LAMB4: variants seen among roughly 807,000 people sequenced by gnomAD.
LAMB4 encodes the protein laminin subunit beta-4.
A neutral mutation model predicts 199.2 loss-of-function variants in LAMB4; 196 were observed. The observed-to-expected ratio is 0.98, with a 90% confidence interval of 0.88 to 1.11. LAMB4 has a LOEUF of 1.11. Ranked by LOEUF, LAMB4 falls within the 50% of genes least tolerant of loss-of-function variation. LAMB4 has a pLI of 0.00. For synonymous variants in LAMB4, 744 were observed against 770.6 expected (o/e 0.97, Z 0.57); for missense variants, 2,080 against 2,171.2 (o/e 0.96, Z 0.83).
chr7:108,026,570 G>A (rs1253539021), intron 33 of LAMB4: 4 of 168,008 alleles, frequency 2.4e-5, no homozygotes, highest in African/African-American at 9.6e-5. Context: ...GTTATTTTAA[G>A]CCATTACATT....
chr7:108,037,260 A>C (rs2035262271), intron 30 of LAMB4, 128 bp downstream of exon 30: 1 of 722,046 alleles, frequency 1.4e-6, no homozygotes, highest in Admixed American at 2.4e-5. Context: ...TCAGCCCTCA[A>C]CTTGGGCACT....
At chr7:108,057,215 G>C (rs1488393630) in intron 24 of LAMB4, among the ~76,000 whole-genome samples, 1 of 152,076 alleles carries the variant, frequency 6.6e-6, no homozygotes, top group African/African-American at 2.4e-5. Context: ...TTCTTCTACT[G>C]CTTCTCTATA....
intron 31 of LAMB4, among the ~76,000 whole-genome samples, chr7:108,033,685 A>G (rs1187226378): frequency 2.6e-5 from 4 of 151,104 alleles, no homozygotes; most frequent in Non-Finnish European, 5.9e-5. Flanking sequence ...CTGGGATTAC[A>G]GGTGTGAGCA....
At chr7:108,076,053 A>G (rs996514632) in intron 17 of LAMB4, 15 of 153,010 alleles carry the variant, frequency 9.8e-5, no homozygotes, top group African/African-American at 3.4e-4. Context: ...GTAGGAAAAT[A>G]TTTTAAAATA....
At chr7:108,047,042 T>C (rs1362939482) in intron 28 of LAMB4, among the ~76,000 whole-genome samples, 1 of 152,104 alleles carries the variant, frequency 6.6e-6, no homozygotes, top group Non-Finnish European at 1.5e-5. Context: ...GCTAGGATTA[T>C]AGGCGTGACC....
At chr7:108,054,724 G>T (rs145761746) in intron 25 of LAMB4, among the ~76,000 whole-genome samples, 1 of 152,126 alleles carries the variant, frequency 6.6e-6, no homozygotes, top group Non-Finnish European at 1.5e-5. Flanking sequence ...CAGAGGAGGG[G>T]TAAATAAATG....
In LAMB4 at chr7:108,049,312, T is replaced by C. The variant is rs2035753365; in HGVS notation, c.4122+14A>G. 7.2e-7 allele frequency: 1 copy of C among 1,387,020 alleles called. No homozygotes were observed. The highest frequency in any genetic ancestry group is 1.2e-5 in the South Asian group (1 of 84,310). 85.9% of individuals were successfully genotyped at this position (1,387,020 alleles called of 1,614,324 possible). A position where few individuals can be genotyped will look rare whatever the true frequency, so the allele number is the denominator to read the frequency against. ...AACCACAAATGCTTTGACCTTACCATCATGAATATTTACCTTTTCATTCAA... is the reference window on the plus strand; with the variant it reads ...AACCACAAATGCTTTGACCTTACCACCATGAATATTTACCTTTTCATTCAA... On this transcript the variant is annotated intron_variant, in intron 27 of 33. Transcript: ENST00000388781.
At chr7:108,116,250 G>T in intron 2 of LAMB4, 89 bp from the exon 3 acceptor site, 2 of 1,249,644 alleles carry the variant, frequency 1.6e-6, no homozygotes, top group Non-Finnish European at 2.2e-6. Context: ...GGAAAGTTAT[G>T]TATTTATTTA....
intron 3 of LAMB4, among the ~76,000 whole-genome samples, chr7:108,112,378 A>G (rs925344855): frequency 2.0e-5 from 3 of 151,844 alleles, no homozygotes; most frequent in East Asian, 1.9e-4. Context: ...CAGTGTTGCA[A>G]TCTCCTGGGT....
chr7:108,045,939 A>ATG lies in LAMB4; in HGVS notation c.4326+1967_4326+1968dup, dbSNP rs376513701. Among the ~76,000 whole-genome samples, 699 of 151,232 alleles carry ATG rather than the reference A, an allele frequency of 4.6e-3. 4 individuals carry two copies. The highest frequency in any genetic ancestry group is 6.3e-3 in the Non-Finnish European group (423 of 67,644). On this transcript the variant is annotated intron_variant, in intron 28 of 33. Coordinates refer to ENST00000388781, the MANE Select transcript of LAMB4 (RefSeq NM_007356.3). ...GGATATAGGGGGTGTGTGTGTGTGC[A>ATG]TGTGTGTGTGTGTGTATCTTGGCTG...
At chr7:108,059,652 C>A (rs1290775402) in intron 23 of LAMB4, among the ~76,000 whole-genome samples, 1 of 152,160 alleles carries the variant, frequency 6.6e-6, no homozygotes, top group Non-Finnish European at 1.5e-5. Context: ...GGGCACAGCA[C>A]CCCCCTACTC....
In LAMB4 at chr7:108,107,696, G is replaced by C; in HGVS notation, c.526C>G (p.Gln176Glu). The change falls in exon 6 of 34, where the codon CAG becomes GAG. Residue 176 changes from glutamine (Q) to glutamate (E), a missense_variant. Physicochemically the swap from Gln to Glu is conservative, Grantham distance 29. Coordinates refer to ENST00000388781, the MANE Select transcript of LAMB4 (RefSeq NM_007356.3). ...TCACAAACAATGTCTCCCACTCCCT[G>C]GGCCTGGCCAGATGTGATGTTAGGA... ...SFPNITSGQA[Q>E]GVGDIVCDSK... 1 of 1,613,664 alleles carries C rather than the reference G, an allele frequency of 6.2e-7. No homozygotes were observed. Among genetic ancestry groups the C allele is most frequent in the Non-Finnish European group, 8.5e-7 (1 of 1,179,842 alleles).
intron 20 of LAMB4, 39 bp downstream of exon 20, chr7:108,066,330 T>A: frequency 6.8e-7 from 1 of 1,467,666 alleles, no homozygotes. Flanking sequence ...GAACAAAGTG[T>A]TAAAGACCTA....
intron 1 of LAMB4, among the ~76,000 whole-genome samples, chr7:108,124,851 A>C (rs992109017): frequency 3.3e-5 from 5 of 151,900 alleles, no homozygotes; most frequent in Admixed American, 3.3e-4. Flanking sequence ...CAGCCTTAGC[A>C]CTCCAGTTTC....
chr7:108,042,465 T>C (rs1383455497), intron 29 of LAMB4, among the ~76,000 whole-genome samples: 3 of 151,720 alleles, frequency 2.0e-5, no homozygotes, highest in Non-Finnish European at 2.9e-5. Context: ...ATGCAATTAG[T>C]TTAGCAACTT....
At chr7:108,031,029 C>G (rs907630759) in intron 31 of LAMB4, 50 bp from the exon 32 acceptor site, 1 of 1,548,744 alleles carries the variant, frequency 6.5e-7, no homozygotes, top group East Asian at 2.3e-5. Flanking sequence ...ATGAAACAAA[C>G]AAGAAGATAA....
Position 108,037,422 on chromosome 7 carries a change from C to T in LAMB4, c.4645G>A (p.Ala1549Thr), listed in dbSNP as rs1000451824. The T allele has an allele frequency of 1.9e-6, 3 of 1,614,056 alleles. No individual in the cohort carries two copies. Among genetic ancestry groups the T allele is most frequent in the Non-Finnish European group, 2.5e-6 (3 of 1,180,028 alleles). The part of the protein sequence containing the change: ...ENRLNEEADG[A>T]QKLLVKAKAA... ...TTGGCCTTCACCAAAAGCTTTTGGG[C>T]TCCATCTGCTTCTTCATTTAACCTG... is the stretch of plus-strand genomic sequence containing the variant. The change falls in exon 30 of 34, where the codon GCC becomes ACC. Residue 1549 changes from alanine (A) to threonine (T), a missense_variant. Coordinates refer to ENST00000388781, the MANE Select transcript of LAMB4 (RefSeq NM_007356.3).
At chr7:108,022,968 T>C (rs946496022), downstream of LAMB4, among the ~76,000 whole-genome samples, 5 of 152,024 alleles carry the variant, frequency 3.3e-5, no homozygotes, top group Non-Finnish European at 7.4e-5. Context: ...TGCACCACCA[T>C]GCCCAGCTGA....
At chr7:108,106,099 T>G (rs1481802251) in intron 7 of LAMB4, 68 bp from the exon 8 acceptor site, 1 of 1,148,342 alleles carries the variant, frequency 8.7e-7, no homozygotes, top group Non-Finnish European at 1.3e-6. Context: ...TCTTCTTGAC[T>G]GATATACACT....
Sources: allele counts gnomAD v4.1 joint callset (sites outside exome capture counted in the v4.1 genomes callset), GRCh38; gene constraint gnomAD v4.1.1; transcripts MANE v1.5; gene names NCBI Gene and HGNC (gene_info 2026-07-23, HGNC 2026-07-21).